ZNF804A: variants seen among roughly 807,000 people sequenced by gnomAD.
ZNF804A encodes zinc finger protein 804A.
ZNF804A carries 2 observed loss-of-function variants against 16.5 expected under a neutral mutation model. The observed-to-expected ratio is 0.12, with a 90% confidence interval of 0.05 to 0.38. The LOEUF is 0.38. Among genes scored for constraint, ZNF804A ranks in the 10% least tolerant of loss-of-function variants. The probability of loss-of-function intolerance (pLI) is 0.99; values close to 1 mark genes in which losing one functional copy is unlikely to be tolerated. For synonymous variants in ZNF804A, 534 were observed against 489.6 expected, an observed-to-expected ratio of 1.09 and a Z score of -1.20; for missense variants, 1,473 against 1,390.7, an observed-to-expected ratio of 1.06 and a Z score of -0.94.
intron 1 of ZNF804A, among the ~76,000 whole-genome samples, chr2:184,829,941 A>AAAAC (rs1558975002): frequency 3.4e-5 from 5 of 146,130 alleles, no homozygotes; most frequent in African/African-American, 1.3e-4. Flanking sequence ...AAAAAAAAAA[A>AAAAC]ACCACACACA....
intron 2 of ZNF804A, among the ~76,000 whole-genome samples, chr2:184,892,483 C>CTTTTTTTTTTTTTTTTTT (rs869292193): frequency 2.8e-5 from 3 of 105,708 alleles, no homozygotes; most frequent in Non-Finnish European, 5.5e-5. Context: ...TTGTTGTGTT[C>CTTTTTTTTTTTTTTTTTT]TTTTTTTTTT....
chr2:184,714,096 CTT>C (rs1454539377), intron 1 of ZNF804A, among the ~76,000 whole-genome samples: 5 of 151,938 alleles, frequency 3.3e-5, no homozygotes, highest in Non-Finnish European at 7.4e-5. Flanking sequence ...TTAAATGCCT[CTT>C]ATTAACTAGA....
At chr2:184,884,679 T>C (rs1460248715) in intron 2 of ZNF804A, among the ~76,000 whole-genome samples, 1 of 151,812 alleles carries the variant, frequency 6.6e-6, no homozygotes, top group African/African-American at 2.4e-5. Flanking sequence ...CTTTATACTG[T>C]ATACAAAAAT....
intron 1 of ZNF804A, among the ~76,000 whole-genome samples, chr2:184,775,611 G>C (rs969002075): frequency 5.3e-5 from 8 of 151,534 alleles, no homozygotes. Context: ...TTGTGAGTTA[G>C]GACTGTTAGT....
At chr2:184,848,487 A>C (rs1016678653) in intron 1 of ZNF804A, among the ~76,000 whole-genome samples, 9 of 152,118 alleles carry the variant, frequency 5.9e-5, no homozygotes, top group Admixed American at 1.3e-4. Flanking sequence ...CAAAGATTAA[A>C]AAGTATTTCT....
At chr2:184,752,967 G>C (rs1393660082) in intron 1 of ZNF804A, among the ~76,000 whole-genome samples, 2 of 151,236 alleles carry the variant, frequency 1.3e-5, no homozygotes, top group African/African-American at 4.8e-5. Context: ...AATAAGTTTT[G>C]GTGAAAATCG....
At chr2:184,737,935 C>T (rs1312936672) in intron 1 of ZNF804A, among the ~76,000 whole-genome samples, 1 of 151,958 alleles carries the variant, frequency 6.6e-6, no homozygotes, top group South Asian at 2.1e-4. Context: ...ACCAGCCTGA[C>T]CAACATGGAG....
intron 1 of ZNF804A, among the ~76,000 whole-genome samples, chr2:184,833,956 A>G (rs1339094648): frequency 6.6e-6 from 1 of 152,058 alleles, no homozygotes; most frequent in Admixed American, 6.6e-5. Context: ...GTAAGTAATG[A>G]ATATTTTTGG....
intron 1 of ZNF804A, among the ~76,000 whole-genome samples, chr2:184,606,662 G>GA (rs1285011503): frequency 1.3e-5 from 2 of 152,176 alleles, no homozygotes; most frequent in Non-Finnish European, 2.9e-5. Context: ...ATAACCAGCT[G>GA]AAAAATCTAA....
intron 1 of ZNF804A, among the ~76,000 whole-genome samples, chr2:184,717,730 T>TA: frequency 1.3e-5 from 2 of 152,350 alleles, no homozygotes; most frequent in Admixed American, 1.3e-4. Context: ...GTACATGTGA[T>TA]ATTTCGTTAC....
rs73978038 is a variant in ZNF804A at position 184,661,435 on chromosome 2, T to C, written c.111+62365T>C. ...CAAAAGGAATAAGCTATGCAGATAC[T>C]ATAGAGTGAGCAAGGCAAAGGCAAA... On this transcript the variant is annotated intron_variant, in intron 1 of 3. Coordinates refer to ENST00000302277, the MANE Select transcript of ZNF804A (RefSeq NM_194250.2). Among the ~76,000 whole-genome samples the C allele has an allele frequency of 8.6e-3, 1,305 of 152,248 alleles. 22 individuals are homozygous for C. Among genetic ancestry groups the C allele is most frequent in the African/African-American group, 0.03 (1,262 of 41,536 alleles).
intron 1 of ZNF804A, among the ~76,000 whole-genome samples, chr2:184,714,993 AG>A (rs1693191099): frequency 6.6e-6 from 1 of 152,322 alleles, no homozygotes; most frequent in East Asian, 1.9e-4. Context: ...AGTTAGTAAA[AG>A]TTTCTCTCTG....
At chr2:184,757,786 T>C (rs1693981806) in intron 1 of ZNF804A, among the ~76,000 whole-genome samples, 1 of 151,928 alleles carries the variant, frequency 6.6e-6, no homozygotes, top group Non-Finnish European at 1.5e-5. Context: ...AAAGTGATTA[T>C]GTGTAGGGGT....
chr2:184,844,965 A>T (rs1340202886), intron 1 of ZNF804A, among the ~76,000 whole-genome samples: 1 of 150,570 alleles, frequency 6.6e-6, no homozygotes, highest in Non-Finnish European at 1.5e-5. Flanking sequence ...TTTGCATTTC[A>T]GTTTGTTCAG....
intron 1 of ZNF804A, among the ~76,000 whole-genome samples, chr2:184,611,849 G>C (rs1691244434): frequency 6.6e-6 from 1 of 152,058 alleles, no homozygotes; most frequent in Admixed American, 6.6e-5. Context: ...TACTTTATTT[G>C]CATACTTCAC....
intron 1 of ZNF804A, among the ~76,000 whole-genome samples, chr2:184,792,414 G>GA (rs1694562650): frequency 6.6e-6 from 1 of 152,136 alleles, no homozygotes; most frequent in Non-Finnish European, 1.5e-5. Context: ...AAAGACATAT[G>GA]ATGTTGAGTA....
intron 1 of ZNF804A, among the ~76,000 whole-genome samples, chr2:184,829,384 C>T (rs1695222422): frequency 6.6e-6 from 1 of 151,884 alleles, no homozygotes; most frequent in Non-Finnish European, 1.5e-5. Context: ...GCCTTTAAAA[C>T]TTTCTACTGA....
chr2:184,608,234 C>A (rs902265140), intron 1 of ZNF804A, among the ~76,000 whole-genome samples: 1 of 152,142 alleles, frequency 6.6e-6, no homozygotes, highest in East Asian at 1.9e-4. Flanking sequence ...CGTGAGCCAC[C>A]GCGCCCGGCC....
intron 1 of ZNF804A, among the ~76,000 whole-genome samples, chr2:184,658,286 C>T (rs1043034688): frequency 6.6e-6 from 1 of 152,058 alleles, no homozygotes; most frequent in Admixed American, 6.6e-5. Flanking sequence ...GAGTTCAAGG[C>T]CAGCCTATCC....
Sources: allele counts gnomAD v4.1 joint callset (sites outside exome capture counted in the v4.1 genomes callset), GRCh38; gene constraint gnomAD v4.1.1; transcripts MANE v1.5; gene names NCBI Gene and HGNC (gene_info 2026-07-23, HGNC 2026-07-21).